MAPK10: variants seen among roughly 807,000 people sequenced by gnomAD.
MAPK10 encodes the protein JNK3 alpha protein kinase.
In MAPK10, 25 loss-of-function variants were observed where a neutral mutation model predicts 59.3. That is an observed-to-expected ratio of 0.42 (90% confidence interval 0.31 to 0.59). MAPK10 has a LOEUF of 0.59. Ranked by LOEUF, MAPK10 falls within the 20% of genes least tolerant of loss-of-function variation. The pLI is 0.15. For missense variants in MAPK10, 351 were observed against 568.9 expected (o/e 0.62, Z 3.90); for synonymous variants, 190 against 200.5 (o/e 0.95, Z 0.44).
At chr4:86,410,425 T>C (rs937825303) in intron 1 of MAPK10, among the ~76,000 whole-genome samples, 2 of 152,232 alleles carry the variant, frequency 1.3e-5, no homozygotes, top group African/African-American at 2.4e-5. Context: ...ATAAAATGAA[T>C]TAGGGAGGAT....
At chr4:86,490,025 C>T (rs1340360856) in intron 1 of MAPK10, among the ~76,000 whole-genome samples, 1 of 152,150 alleles carries the variant, frequency 6.6e-6, no homozygotes. Context: ...TAGCAAAACA[C>T]AAAATATTCG....
intron 1 of MAPK10, among the ~76,000 whole-genome samples, chr4:86,413,719 G>A (rs979911863): frequency 3.9e-5 from 6 of 152,212 alleles, no homozygotes; most frequent in African/African-American, 1.2e-4. Context: ...GGGACCCGCC[G>A]AGCCAGGCAT....
At chr4:86,541,947 GCACACACACACACACACACACACACACA>G (rs10555824) in intron 1 of MAPK10, among the ~76,000 whole-genome samples, 1 of 140,376 alleles carries the variant, frequency 7.1e-6, no homozygotes, top group Non-Finnish European at 1.5e-5. Flanking sequence ...GAATACACCG[GCACACACACACACACACACACACACACA>G]CACACACACA....
chr4:86,356,273 T>C (rs1042777200), intron 1 of MAPK10, among the ~76,000 whole-genome samples: 2 of 152,194 alleles, frequency 1.3e-5, no homozygotes, highest in Non-Finnish European at 2.9e-5. Flanking sequence ...CTACTAGCAT[T>C]ATTTCCATAA....
At chr4:86,342,294 AGACTT>A (rs1564552727) in intron 2 of MAPK10, among the ~76,000 whole-genome samples, 10 of 152,322 alleles carry the variant, frequency 6.6e-5, no homozygotes, top group Middle Eastern at 3.4e-3. Flanking sequence ...ACAATAAGGA[AGACTT>A]AGAATAAACA....
chr4:86,078,261 T>C (rs2049915445), intron 9 of MAPK10, among the ~76,000 whole-genome samples: 1 of 152,204 alleles, frequency 6.6e-6, no homozygotes, highest in Admixed American at 6.5e-5. Flanking sequence ...TAGAATAGGA[T>C]CAAATTCACC....
intron 2 of MAPK10, among the ~76,000 whole-genome samples, chr4:86,216,282 CAT>C (rs113781575): frequency 1.4e-5 from 2 of 141,406 alleles, no homozygotes; most frequent in African/African-American, 2.6e-5. Flanking sequence ...AGCACACACA[CAT>C]ATATATATAG....
chr4:86,235,121 C>G, intron 2 of MAPK10, among the ~76,000 whole-genome samples: 1 of 152,080 alleles, frequency 6.6e-6, no homozygotes, highest in Non-Finnish European at 1.5e-5. Flanking sequence ...ACTCATATAT[C>G]ACAGAAACAA....
intron 1 of MAPK10, among the ~76,000 whole-genome samples, chr4:86,438,464 T>G (rs1579221856): frequency 6.7e-6 from 1 of 149,950 alleles, no homozygotes. Flanking sequence ...CCGAGGGGGG[T>G]GGATCATCTG....
At chr4:86,045,789 A>T (rs769210884) in intron 11 of MAPK10, among the ~76,000 whole-genome samples, 1 of 150,812 alleles carries the variant, frequency 6.6e-6, no homozygotes, top group Non-Finnish European at 1.5e-5. Context: ...CCCTCTCTTG[A>T]CCCTGGGATT....
At chr4:86,336,490 T>C (rs1054990045) in intron 2 of MAPK10, 1 of 152,178 alleles carries the variant, frequency 6.6e-6, no homozygotes, top group African/African-American at 2.4e-5. Context: ...CCTTCCACTT[T>C]TATCAAGTAA....
At chr4:86,094,895 G>A in intron 9 of MAPK10, among the ~76,000 whole-genome samples, 1 of 151,712 alleles carries the variant, frequency 6.6e-6, no homozygotes. Context: ...GTTTAAGAAT[G>A]TTTAAAGAAT....
At chr4:86,332,334 T>C (rs1184307406) in intron 2 of MAPK10, among the ~76,000 whole-genome samples, 3 of 152,234 alleles carry the variant, frequency 2.0e-5, no homozygotes, top group Non-Finnish European at 4.4e-5. Context: ...CATTGGGAAG[T>C]TATTTTTTTA....
At chr4:86,544,449 T>C (rs948918061) in intron 1 of MAPK10, among the ~76,000 whole-genome samples, 5 of 152,210 alleles carry the variant, frequency 3.3e-5, no homozygotes, top group African/African-American at 9.6e-5. Flanking sequence ...AATGGAGCAG[T>C]GTAGGAAGCC....
intron 1 of MAPK10, among the ~76,000 whole-genome samples, chr4:86,565,919 C>CA (rs1761027553): frequency 6.6e-6 from 1 of 152,182 alleles, no homozygotes. Flanking sequence ...AACACATACT[C>CA]ACATTCTTTC....
At chr4:86,379,548 G>A (rs1375158948) in intron 1 of MAPK10, among the ~76,000 whole-genome samples, 1 of 152,120 alleles carries the variant, frequency 6.6e-6, no homozygotes, top group East Asian at 1.9e-4. Context: ...CCGGAATGAG[G>A]GCAAGGAACA....
At chr4:86,480,410 T>C (rs1203270514) in intron 1 of MAPK10, among the ~76,000 whole-genome samples, 1 of 151,790 alleles carries the variant, frequency 6.6e-6, no homozygotes, top group African/African-American at 2.4e-5. Flanking sequence ...CACCCCTATC[T>C]CTCTTCACTG....
chr4:86,172,252 G>C (rs369304512), intron 3 of MAPK10, among the ~76,000 whole-genome samples: 31,943 of 128,774 alleles, frequency 0.25, 6,142 homozygotes, highest in African/African-American at 0.54. Flanking sequence ...ATAAATCATG[G>C]TGCTATAAAG....
chr4:86,148,788 G>A (rs1641064154), intron 4 of MAPK10, among the ~76,000 whole-genome samples: 1 of 152,174 alleles, frequency 6.6e-6, no homozygotes, highest in Admixed American at 6.5e-5. Context: ...GGAATCTGAA[G>A]GAGATAAGAG....
Sources: allele counts gnomAD v4.1 joint callset (sites outside exome capture counted in the v4.1 genomes callset), GRCh38; gene constraint gnomAD v4.1.1; transcripts MANE v1.5; gene names NCBI Gene and HGNC (gene_info 2026-07-23, HGNC 2026-07-21).